Variants in SYNPO2 observed in about 807,000 individuals in gnomAD.
SYNPO2 encodes the protein synaptopodin-2.
Under a neutral mutation model 85.0 loss-of-function variants are expected in SYNPO2, and 56 were observed. The ratio of observed to expected loss-of-function variants is 0.66; its 90% CI spans 0.53 to 0.82. SYNPO2 has a LOEUF of 0.82. SYNPO2 is among the 40% of genes least tolerant of loss of function. The pLI, the probability that SYNPO2 is intolerant of heterozygous loss-of-function variation, is 0.00. For synonymous variants in SYNPO2, 602 were observed against 591.1 expected (o/e 1.02, Z -0.27); for missense variants, 1,575 against 1,534.2 (o/e 1.03, Z -0.44).
intron 1 of SYNPO2, among the ~76,000 whole-genome samples, chr4:118,948,869 T>C (rs1307735453): frequency 6.6e-6 from 1 of 152,186 alleles, no homozygotes; most frequent in East Asian, 1.9e-4. Flanking sequence ...ACCCCAATTA[T>C]ATACTTAGTT....
At chr4:119,013,934 T>C (rs1037821554) in intron 1 of SYNPO2, among the ~76,000 whole-genome samples, 2 of 152,240 alleles carry the variant, frequency 1.3e-5, no homozygotes, top group African/African-American at 4.8e-5. Context: ...AAACTACTGC[T>C]TGTTGAGTTC....
At chr4:118,979,859 C>T (rs1302922068) in intron 1 of SYNPO2, among the ~76,000 whole-genome samples, 1 of 152,232 alleles carries the variant, frequency 6.6e-6, no homozygotes, top group Non-Finnish European at 1.5e-5. Flanking sequence ...TTCTTCCGCA[C>T]TCAGCATACT....
chr4:119,041,131 C>G (rs1738703539), intron 4 of SYNPO2, among the ~76,000 whole-genome samples: 1 of 152,128 alleles, frequency 6.6e-6, no homozygotes, highest in Non-Finnish European at 1.5e-5. Flanking sequence ...GAGTCAGAAG[C>G]AGAAGTCAAG....
chr4:118,984,877 C>T (rs527565139), intron 1 of SYNPO2, among the ~76,000 whole-genome samples: 1 of 152,288 alleles, frequency 6.6e-6, no homozygotes, highest in African/African-American at 2.4e-5. Context: ...TGTCATTGGT[C>T]CTCAAGACAC....
Position 119,031,434 on chromosome 4 carries a change from G to A in SYNPO2, c.2659G>A (p.Val887Met), listed in dbSNP as rs115012720. 1.3e-3 allele frequency: 2,129 copies of A among 1,614,164 alleles called. 24 individuals are homozygous for A. The African/African-American group carries it at 0.024, about 19-fold the overall frequency. The change falls in exon 4 of 5, where the codon GTG becomes ATG. Residue 887 changes from valine (V) to methionine (M), a missense_variant. By Grantham distance (21) the Val-to-Met change is conservative. Around this residue, in one of 3 missense-constraint regions of SYNPO2, gnomAD observed 1,508 missense variants for 1,446.8 expected, o/e 1.04. Transcript: ENST00000307142. ...AAGGCAGTCGAGAATGGAGAAGTAT[G>A]TGGTCGATTCAGACACGGTGCAGGC... ...AKRQSRMEKY[V>M]VDSDTVQAHA...
chr4:119,004,806 A>G (rs1057043654), intron 1 of SYNPO2, among the ~76,000 whole-genome samples: 9 of 152,124 alleles, frequency 5.9e-5, no homozygotes, highest in Admixed American at 3.9e-4. Flanking sequence ...CGCCACACTG[A>G]CTTCCACAAT....
At chr4:118,924,197 C>A (rs2149129784) in intron 1 of SYNPO2, among the ~76,000 whole-genome samples, 1 of 152,252 alleles carries the variant, frequency 6.6e-6, no homozygotes, top group Non-Finnish European at 1.5e-5. Flanking sequence ...TATCAAAAAG[C>A]AATCTCTTAT....
At chr4:118,906,602 T>G (rs1732945103) in intron 1 of SYNPO2, among the ~76,000 whole-genome samples, 1 of 152,138 alleles carries the variant, frequency 6.6e-6, no homozygotes, top group Admixed American at 6.5e-5. Flanking sequence ...AATAAGGAAG[T>G]GTTTTCTGGA....
At chr4:119,007,263 T>TATGTATATACATATATATGTATATAC (rs1553945966) in intron 1 of SYNPO2, among the ~76,000 whole-genome samples, 10,106 of 77,566 alleles carry the variant, frequency 0.13, 1,514 homozygotes, top group South Asian at 0.26. Context: ...CATATATATA[T>TATGTATATACATATATATGTATATAC]ATATATATAT....
intron 1 of SYNPO2, among the ~76,000 whole-genome samples, chr4:118,932,623 A>G (rs1733968762): frequency 6.6e-6 from 1 of 152,344 alleles, no homozygotes; most frequent in East Asian, 1.9e-4. Context: ...GACTAAATTT[A>G]TGGTTCACGT....
At chr4:119,008,461 C>A (rs570081047) in intron 1 of SYNPO2, among the ~76,000 whole-genome samples, 1 of 150,068 alleles carries the variant, frequency 6.7e-6, no homozygotes, top group Non-Finnish European at 1.5e-5. Flanking sequence ...CTTGGCAAAG[C>A]AAGCTTTGAA....
chr4:118,987,861 A>G (rs1292217983), intron 1 of SYNPO2, among the ~76,000 whole-genome samples: 2 of 152,212 alleles, frequency 1.3e-5, no homozygotes, highest in East Asian at 3.8e-4. Context: ...TATATTCTTC[A>G]TAACATATAA....
At chr4:119,052,845 T>C (rs893487610) in intron 4 of SYNPO2, among the ~76,000 whole-genome samples, 4 of 152,256 alleles carry the variant, frequency 2.6e-5, no homozygotes, top group African/African-American at 9.6e-5. Context: ...TGCTAAGTTT[T>C]CTTCCAGTGG....
At chr4:118,951,824 A>T (rs911581414) in intron 1 of SYNPO2, among the ~76,000 whole-genome samples, 10 of 152,178 alleles carry the variant, frequency 6.6e-5, no homozygotes, top group African/African-American at 1.4e-4. Flanking sequence ...TTAAAATATA[A>T]ACTTTTTTAA....
intron 1 of SYNPO2, among the ~76,000 whole-genome samples, chr4:118,949,014 A>C (rs4261974): frequency 0.21 from 31,417 of 152,088 alleles, 3,274 homozygotes; most frequent in Middle Eastern, 0.24. Flanking sequence ...ACAAATAAAA[A>C]TCTCTGAGTA....
intron 4 of SYNPO2, among the ~76,000 whole-genome samples, chr4:119,051,283 G>A (rs1367807487): frequency 3.1e-5 from 4 of 129,466 alleles, no homozygotes; most frequent in South Asian, 2.9e-4. Flanking sequence ...TCCGCCTCCC[G>A]GGTTCACGCC....
At chr4:118,932,056 G>T (rs1297436530) in intron 1 of SYNPO2, among the ~76,000 whole-genome samples, 1 of 152,166 alleles carries the variant, frequency 6.6e-6, no homozygotes, top group African/African-American at 2.4e-5. Context: ...GCTGCTATAA[G>T]TAAGCCATTG....
chr4:119,050,399 C>T (rs1738997885), intron 4 of SYNPO2, among the ~76,000 whole-genome samples: 1 of 151,948 alleles, frequency 6.6e-6, no homozygotes, highest in Admixed American at 6.6e-5. Flanking sequence ...GATTTAGGAA[C>T]TCTGGTATGA....
chr4:119,031,257 T>G lies in SYNPO2; in HGVS notation c.2482T>G (p.Phe828Val), dbSNP rs1561006583. The G allele has an allele frequency of 6.2e-7, 1 of 1,614,086 alleles. No homozygotes were observed. Among genetic ancestry groups the G allele is most frequent in the Admixed American group, 1.7e-5 (1 of 60,016 alleles). The part of the protein sequence containing the change: ...PASTLNVAGP[F>V]KGPQAAVASQ... ...AAGTACTTTGAACGTGGCTGGTCCC[T>G]TCAAAGGACCACAAGCAGCAGTAGC... is the stretch of plus-strand genomic sequence containing the variant. Residue 828 changes from phenylalanine (F) to valine (V), a missense_variant, in exon 4 of 5, where the codon TTC becomes GTC. Phe to Val is a conservative substitution (Grantham distance 50). Coordinates refer to ENST00000307142, the MANE Select transcript of SYNPO2 (RefSeq NM_133477.3).
Sources: allele counts gnomAD v4.1 joint callset (sites outside exome capture counted in the v4.1 genomes callset), GRCh38; gene constraint gnomAD v4.1.1; regional missense constraint gnomAD v4.1.1; transcripts MANE v1.5; gene names NCBI Gene and HGNC (gene_info 2026-07-23, HGNC 2026-07-21).